The following SEZ6L variants were observed in gnomAD, a reference collection of about 807,000 sequenced individuals.
SEZ6L encodes the protein seizure related 6 homolog like.
A neutral mutation model predicts 106.2 loss-of-function variants in SEZ6L; 37 were observed. The ratio of observed to expected loss-of-function variants is 0.35; its 90% CI spans 0.27 to 0.46. The LOEUF (loss-of-function observed/expected upper bound fraction) is 0.46. SEZ6L is among the 20% of genes least tolerant of loss of function. SEZ6L has a pLI of 1.00. For missense variants in SEZ6L, 1,172 were observed against 1,332.8 expected, an observed-to-expected ratio of 0.88 and a Z score of 1.88; for synonymous variants, 541 against 570.4, an observed-to-expected ratio of 0.95 and a Z score of 0.73.
chr22:26,370,706 A>G (rs2084001355), intron 13 of SEZ6L, among the ~76,000 whole-genome samples: 1 of 152,008 alleles, frequency 6.6e-6, no homozygotes, highest in Admixed American at 6.6e-5. Context: ...AGAAAAAAAA[A>G]AAGAAAAGAA....
chr22:26,169,673 C>T lies in SEZ6L; in HGVS notation c.4C>T (p.Pro2Ser), dbSNP rs1938433435. The change falls in exon 1 of 17, where the codon CCC (proline) becomes TCC (serine). Residue 2 changes from proline to serine, a missense_variant. Pro to Ser is a moderately conservative substitution (Grantham distance 74). This residue lies in a region of SEZ6L where 494 missense variants were observed against 445.8 expected (regional missense o/e 1.11). Transcript: ENST00000248933. M[P>S]AARPPAAGLR... ...CTCCGCGCCCCCTGCAGCCACGATG[C>T]CCGCGGCCCGGCCGCCCGCCGCGGG... 1.5e-6 allele frequency: 2 copies of T among 1,300,600 alleles called. No individual in the cohort carries two copies. The highest frequency in any genetic ancestry group is 3.5e-5 in the Admixed American group (1 of 28,710). The allele number at this position is 1,300,600 out of a possible 1,614,324, so 80.6% of individuals were successfully genotyped here.
intron 1 of SEZ6L, among the ~76,000 whole-genome samples, chr22:26,208,900 GTGTGTAA>G (rs1941453830): frequency 8.8e-6 from 1 of 113,054 alleles, no homozygotes; most frequent in African/African-American, 3.7e-5. Flanking sequence ...GTGTGTGTGT[GTGTGTAA>G]TGTTTTGATA....
chr22:26,204,547 T>C (rs538448840), intron 1 of SEZ6L, among the ~76,000 whole-genome samples: 2 of 152,358 alleles, frequency 1.3e-5, no homozygotes, highest in South Asian at 4.1e-4. Flanking sequence ...ATAAGTGGTA[T>C]AACTTAAATC....
At position 26,252,990 on chromosome 22, in the gene SEZ6L, G is replaced by A. The variant is rs1056252565; in HGVS notation, c.95-39416G>A. ...AGTTCTGCTTTAAGTTCAACAAAGA[G>A]TAATATTAATAGTGGTAGCAGACAG... On this transcript the variant is annotated intron_variant, in intron 1 of 16. Coordinates refer to ENST00000248933, the MANE Select transcript of SEZ6L (RefSeq NM_021115.5). Among the ~76,000 whole-genome samples the A allele has an allele frequency of 2.0e-5, 3 of 152,200 alleles. No individual in the cohort carries two copies. The South Asian group carries it at 6.2e-4, about 31-fold the overall frequency.
chr22:26,369,338 G>GTCCTTTTTTTTTTTTTTTTTTTTTTT (rs2083927308), intron 13 of SEZ6L, among the ~76,000 whole-genome samples: 2 of 83,618 alleles, frequency 2.4e-5, no homozygotes, highest in African/African-American at 1.5e-4. Context: ...TATATAAGCA[G>GTCCTTTTTTTTTTTTTTTTTTTTTTT]TTCTTTTGTT....
intron 12 of SEZ6L, among the ~76,000 whole-genome samples, chr22:26,360,153 A>C (rs1019573906): frequency 6.6e-6 from 1 of 152,234 alleles, no homozygotes; most frequent in African/African-American, 2.4e-5. Flanking sequence ...AGTTTTAAAA[A>C]GAATACTCTG....
Position 26,310,800 on chromosome 22 carries a change from G to A in SEZ6L, c.1645G>A (p.Ala549Thr), listed in dbSNP as rs1294079702. Reference protein sequence around the residue: ...TIRIEFTSDQARAASTFNIRF... With the variant: ...TIRIEFTSDQTRAASTFNIRF... ...CCGCATCGAGTTCACGTCCGACCAG[G>A]CCCGGGCGGCCTCCACCTTCAACAT... The change falls in exon 7 of 17, where the codon GCC (alanine) becomes ACC (threonine). Residue 549 changes from alanine (A) to threonine (T), a missense_variant. By Grantham distance (58) the Ala-to-Thr change is moderately conservative. Around this residue, in one of 4 missense-constraint regions of SEZ6L, gnomAD observed 534 missense variants for 691.0 expected, o/e 0.77. Coordinates refer to ENST00000248933, the MANE Select transcript of SEZ6L (RefSeq NM_021115.5). 1.2e-6 allele frequency: 2 copies of A among 1,613,972 alleles called. No homozygotes were observed. Among genetic ancestry groups the A allele is most frequent in the Non-Finnish European group, 1.7e-6 (2 of 1,180,024 alleles).
In SEZ6L at chr22:26,304,369, G is replaced by GAAGAAGGAAAGAAAGA. The variant is rs1556332059; in HGVS notation, c.1349-1605_1349-1604insGGAAAGAAAGAAAGAA. ...TTTGTCTCAAAAAAAAAAAAAGAAA[G>GAAGAAGGAAAGAAAGA]AAGAAAGAAAGAAAGAAAGAAAGAA... On this transcript the variant is annotated intron_variant, in intron 5 of 16. Coordinates refer to ENST00000248933, the MANE Select transcript of SEZ6L (RefSeq NM_021115.5). 2.1e-4 allele frequency among the ~76,000 whole-genome samples: 21 copies of GAAGAAGGAAAGAAAGA among 98,304 alleles called. 1 individual carries two copies. Among genetic ancestry groups the GAAGAAGGAAAGAAAGA allele is most frequent in the African/African-American group, 7.5e-4 (17 of 22,600 alleles). The allele number at this position is 98,304 out of a possible 152,430, so 64.5% of individuals were successfully genotyped here. A position where few individuals can be genotyped will look rare whatever the true frequency, so the allele number is the denominator to read the frequency against.
Position 26,351,193 on chromosome 22 carries a change from G to A in SEZ6L, c.2549G>A (p.Ser850Asn), listed in dbSNP as rs1394271306. ...GGGAGTTCTCTTCTGACCTGCTACA[G>A]CCGTGAAACAGGGACTCCCATCTGG... is the stretch of plus-strand genomic sequence containing the variant. ...LEGSSLLTCYSRETGTPIWTS... is the reference protein window; with the variant it reads ...LEGSSLLTCYNRETGTPIWTS... The change falls in exon 12 of 17, where the codon AGC (serine) becomes AAC (asparagine). Residue 850 changes from serine to asparagine, a missense_variant. Transcript: ENST00000248933. The A allele has an allele frequency of 6.2e-7, 1 of 1,614,080 alleles. No homozygotes were observed. The highest frequency in any genetic ancestry group is 1.3e-5 in the African/African-American group (1 of 74,924).
At chr22:26,302,300 G>T (rs377552189) in intron 5 of SEZ6L, among the ~76,000 whole-genome samples, 1 of 152,158 alleles carries the variant, frequency 6.6e-6, no homozygotes, top group African/African-American at 2.4e-5. Context: ...TGGCCCTTGG[G>T]TGACTCATAT....
At chr22:26,182,314 A>G (rs1175597434) in intron 1 of SEZ6L, among the ~76,000 whole-genome samples, 1 of 152,196 alleles carries the variant, frequency 6.6e-6, no homozygotes, top group Admixed American at 6.5e-5. Context: ...GCAGGTGCTC[A>G]TTTGGTGTAT....
At chr22:26,220,938 T>A (rs996602004) in intron 1 of SEZ6L, among the ~76,000 whole-genome samples, 9 of 151,178 alleles carry the variant, frequency 6.0e-5, no homozygotes, top group Non-Finnish European at 1.2e-4. Context: ...GGTGGATGGA[T>A]GGATGATGAG....
At chr22:26,241,605 C>G (rs1207104743) in intron 1 of SEZ6L, among the ~76,000 whole-genome samples, 1 of 152,180 alleles carries the variant, frequency 6.6e-6, no homozygotes, top group Non-Finnish European at 1.5e-5. Flanking sequence ...GAAATTGACA[C>G]AGAGGCAATC....
chr22:26,301,229 T>C (rs591044), intron 5 of SEZ6L, among the ~76,000 whole-genome samples: 69,587 of 152,014 alleles, frequency 0.46, 17,222 homozygotes, highest in African/African-American at 0.63. Flanking sequence ...AGAAGTGGGC[T>C]TTCTGAGCCA....
At chr22:26,304,368 A>AGAAG in intron 5 of SEZ6L, among the ~76,000 whole-genome samples, 1 of 77,408 alleles carries the variant, frequency 1.3e-5, no homozygotes. Flanking sequence ...AAAAAAAGAA[A>AGAAG]GAAGAAAGAA....
At chr22:26,322,806 C>G (rs1479733248) in intron 9 of SEZ6L, among the ~76,000 whole-genome samples, 1 of 152,182 alleles carries the variant, frequency 6.6e-6, no homozygotes, top group Non-Finnish European at 1.5e-5. Context: ...CCTCCCTAAC[C>G]CACCACGTAT....
intron 1 of SEZ6L, among the ~76,000 whole-genome samples, chr22:26,252,034 GCAGCAGCAGCATCAGCGA>G (rs1344215028): frequency 1.3e-5 from 2 of 152,132 alleles, no homozygotes; most frequent in South Asian, 4.2e-4. Flanking sequence ...AGCAGCGGCG[GCAGCAGCAGCATCAGCGA>G]CAGCAGCAGC....
intron 1 of SEZ6L, among the ~76,000 whole-genome samples, chr22:26,226,527 C>T (rs2078638394): frequency 1.3e-5 from 2 of 152,218 alleles, no homozygotes; most frequent in African/African-American, 4.8e-5. Flanking sequence ...CTTCAGTGCC[C>T]TTATCTCAGC....
At chr22:26,195,704 TTAA>T (rs1184326777) in intron 1 of SEZ6L, among the ~76,000 whole-genome samples, 1 of 151,950 alleles carries the variant, frequency 6.6e-6, no homozygotes, top group Non-Finnish European at 1.5e-5. Context: ...AATAAGTAAG[TTAA>T]TATGTGTGTG....
Sources: gnomAD v4.1 joint callset for allele counts (sites outside exome capture counted in the v4.1 genomes callset) on GRCh38, gnomAD v4.1.1 for gene constraint, gnomAD v4.1.1 regional missense constraint, MANE v1.5 for transcripts, NCBI Gene and HGNC (gene_info 2026-07-23, HGNC 2026-07-21) for gene names.